CADM2: variants seen among roughly 807,000 people sequenced by gnomAD.
CADM2 encodes the protein cell adhesion molecule 2.
Under a neutral mutation model 49.8 loss-of-function variants are expected in CADM2, and 12 were observed. That is an observed-to-expected ratio of 0.24 (90% CI 0.15 to 0.39). The LOEUF (loss-of-function observed/expected upper bound fraction) is 0.39. Ranked by LOEUF, CADM2 falls within the 10% of genes least tolerant of loss-of-function variation. The probability of loss-of-function intolerance (pLI) is 1.00; values close to 1 mark genes in which losing one functional copy is unlikely to be tolerated. For synonymous variants in CADM2, 214 were observed against 175.4 expected (o/e 1.22, Z -1.74); for missense variants, 378 against 492.3 (o/e 0.77, Z 2.20).
chr3:85,409,905 A>G lies in CADM2; in HGVS notation c.62-316617A>G, dbSNP rs75078963. 2.8e-3 allele frequency among the ~76,000 whole-genome samples: 430 copies of G among 152,280 alleles called. 1 individual carries two copies. The highest frequency in any genetic ancestry group is 0.01 in the Middle Eastern group (3 of 294). ...AAGAATGGATGGTAGGTTTGAAAGT[A>G]CAAAAATCTGTTAATATTGACATCT... On this transcript the variant is annotated intron_variant, in intron 1 of 9. Coordinates refer to ENST00000383699, the MANE Select transcript of CADM2 (RefSeq NM_001167675.2).
intron 1 of CADM2, among the ~76,000 whole-genome samples, chr3:85,252,129 T>C (rs761959037): frequency 9.9e-5 from 15 of 152,024 alleles, no homozygotes; most frequent in Admixed American, 5.3e-4. Context: ...ATTCTGACTA[T>C]GGTTCTCATC....
At chr3:85,539,859 A>AT (rs1559896208) in intron 1 of CADM2, among the ~76,000 whole-genome samples, 1 of 152,084 alleles carries the variant, frequency 6.6e-6, no homozygotes, top group African/African-American at 2.4e-5. Flanking sequence ...CAGGATTTCA[A>AT]TTTTTTAAAT....
At chr3:85,739,381 T>C (rs544101717) in intron 2 of CADM2, among the ~76,000 whole-genome samples, 2 of 152,242 alleles carry the variant, frequency 1.3e-5, no homozygotes, top group South Asian at 4.1e-4. Flanking sequence ...ATGAATACAT[T>C]TAGATACATT....
At chr3:85,191,939 A>G (rs1012181541) in intron 1 of CADM2, among the ~76,000 whole-genome samples, 5 of 124,796 alleles carry the variant, frequency 4.0e-5, no homozygotes, top group African/African-American at 1.8e-4. Context: ...TAATAAGATG[A>G]AACAGTTGTG....
intron 4 of CADM2, among the ~76,000 whole-genome samples, chr3:85,885,853 A>C (rs975370058): frequency 9.5e-5 from 14 of 147,566 alleles, no homozygotes; most frequent in Admixed American, 2.7e-4. Flanking sequence ...TCCTGTCTCA[A>C]AAAAAAAAAA....
intron 1 of CADM2, among the ~76,000 whole-genome samples, chr3:85,679,054 C>CA (rs1217133458): frequency 6.6e-6 from 1 of 151,874 alleles, no homozygotes; most frequent in East Asian, 1.9e-4. Flanking sequence ...ACTCTGCCCT[C>CA]AAAGAGTTCA....
chr3:85,709,372 C>T (rs569522129), intron 1 of CADM2, among the ~76,000 whole-genome samples: 11 of 152,198 alleles, frequency 7.2e-5, no homozygotes, highest in Admixed American at 4.6e-4. Flanking sequence ...ATGTCAACTT[C>T]GAACTAGTGA....
intron 1 of CADM2, among the ~76,000 whole-genome samples, chr3:85,533,722 T>G (rs1023952292): frequency 1.3e-5 from 2 of 152,142 alleles, no homozygotes; most frequent in African/African-American, 2.4e-5. Context: ...GGAAAGTTAT[T>G]AGCTAGAATC....
intron 1 of CADM2, among the ~76,000 whole-genome samples, chr3:85,001,080 G>A (rs1208628976): frequency 6.6e-6 from 1 of 151,774 alleles, no homozygotes; most frequent in East Asian, 1.9e-4. Context: ...CAGTTGTTGG[G>A]GTTTCAAAAT....
In CADM2 at chr3:85,202,638, A is replaced by G. The variant is rs372002692; in HGVS notation, c.61+242970A>G. On this transcript the variant is annotated intron_variant, in intron 1 of 9. Coordinates refer to ENST00000383699, the MANE Select transcript of CADM2 (RefSeq NM_001167675.2). ...TTCTTAAAGGCACTAGGATTTTTGG[A>G]ATGATAAATGAGTATTGACTTCCAC... Among the ~76,000 whole-genome samples the G allele has an allele frequency of 1.8e-3, 274 of 152,250 alleles. 1 individual carries two copies. Among genetic ancestry groups the G allele is most frequent in the African/African-American group, 6.3e-3 (263 of 41,562 alleles).
chr3:85,029,013 C>T (rs969459343), intron 1 of CADM2, among the ~76,000 whole-genome samples: 35 of 151,414 alleles, frequency 2.3e-4, no homozygotes, highest in African/African-American at 7.5e-4. Flanking sequence ...TATTATAACA[C>T]GTATTTAATA....
chr3:85,425,107 T>A (rs2036342627), intron 1 of CADM2, among the ~76,000 whole-genome samples: 1 of 152,142 alleles, frequency 6.6e-6, no homozygotes, highest in Non-Finnish European at 1.5e-5. Context: ...ACGAACATAT[T>A]CTATTTACTC....
intron 6 of CADM2, among the ~76,000 whole-genome samples, chr3:85,927,746 G>A (rs909780639): frequency 1.3e-5 from 2 of 151,998 alleles, no homozygotes; most frequent in African/African-American, 4.8e-5. Flanking sequence ...TAGCATTTTG[G>A]CCATCATCCA....
At chr3:85,824,414 GA>G (rs897631981) in intron 3 of CADM2, among the ~76,000 whole-genome samples, 16 of 151,014 alleles carry the variant, frequency 1.1e-4, no homozygotes, top group Non-Finnish European at 2.1e-4. Flanking sequence ...TTTTTTTTAA[GA>G]AAAAACAAAA....
intron 8 of CADM2, among the ~76,000 whole-genome samples, chr3:86,000,703 C>A (rs1456563985): frequency 6.6e-6 from 1 of 151,932 alleles, no homozygotes; most frequent in Non-Finnish European, 1.5e-5. Context: ...AAAGCTTAGC[C>A]TGCTCAAAAA....
intron 1 of CADM2, among the ~76,000 whole-genome samples, chr3:85,201,899 G>A (rs2041512296): frequency 6.6e-6 from 1 of 151,846 alleles, no homozygotes; most frequent in African/African-American, 2.4e-5. Flanking sequence ...TGGCCAACAT[G>A]GTGAAACCCC....
At chr3:85,740,900 A>T (rs2068353064) in intron 2 of CADM2, among the ~76,000 whole-genome samples, 1 of 152,128 alleles carries the variant, frequency 6.6e-6, no homozygotes, top group African/African-American at 2.4e-5. Context: ...CTTCATTTAG[A>T]TCTTGGTTCT....
intron 1 of CADM2, among the ~76,000 whole-genome samples, chr3:85,115,852 T>C (rs541551548): frequency 1.6e-4 from 25 of 152,294 alleles, no homozygotes; most frequent in African/African-American, 6.0e-4. Context: ...GTGTGTTGAA[T>C]TGGATTACAT....
chr3:85,176,581 T>C (rs1576047256), intron 1 of CADM2, among the ~76,000 whole-genome samples: 1 of 152,260 alleles, frequency 6.6e-6, no homozygotes, highest in South Asian at 2.1e-4. Flanking sequence ...GATTTTACCT[T>C]GAAGAGTCAA....
Sources: gnomAD v4.1 joint callset for allele counts (sites outside exome capture counted in the v4.1 genomes callset) on GRCh38, gnomAD v4.1.1 for gene constraint, MANE v1.5 for transcripts, NCBI Gene and HGNC (gene_info 2026-07-23, HGNC 2026-07-21) for gene names.